TENM4: variants seen among roughly 807,000 people sequenced by gnomAD.
The protein encoded by TENM4 is teneurin transmembrane protein 4, also known as teneurin-4.
TENM4 carries 82 observed loss-of-function variants against 243.3 expected under a neutral mutation model. The observed-to-expected ratio is 0.34, with a 90% CI of 0.28 to 0.40. The LOEUF (loss-of-function observed/expected upper bound fraction) is 0.40, where lower values mean the gene tolerates loss of function less well. Among genes scored for constraint, TENM4 ranks in the 10% least tolerant of loss-of-function variants. TENM4 has a pLI of 1.00. For synonymous variants in TENM4, 1,412 were observed against 1,456.3 expected (o/e 0.97, Z 0.69); for missense variants, 3,138 against 3,673.3 (o/e 0.85, Z 3.77).
At chr11:78,805,594 T>G (rs1267339370) in intron 14 of TENM4, 102 bp from the exon 15 acceptor site, 3 of 1,388,786 alleles carry the variant, frequency 2.2e-6, no homozygotes, top group Non-Finnish European at 9.8e-7. Flanking sequence ...GCTTCATACA[T>G]TCTGGCAGAA....
intron 1 of TENM4, among the ~76,000 whole-genome samples, chr11:79,312,576 G>A (rs1262301394): frequency 6.6e-6 from 1 of 152,120 alleles, no homozygotes; most frequent in Non-Finnish European, 1.5e-5. Context: ...CAGAGCTTCT[G>A]CTTGAATCCA....
Position 78,712,565 on chromosome 11 carries a change from G to A in TENM4, c.3971C>T (p.Thr1324Ile). The change falls in exon 26 of 34, where the codon ACA becomes ATA. Residue 1324 changes from threonine to isoleucine, a missense_variant. Physicochemically the swap from Thr to Ile is moderately conservative, Grantham distance 89. Around this residue, in one of 2 missense-constraint regions of TENM4, gnomAD observed 2,467 missense variants for 3,059.1 expected, o/e 0.81. Transcript: ENST00000278550. Reference sequence around the variant, plus strand: ...ATCAAAGGGGAGGCACTGGTCACCTGTCCCCGCAACCACCTCAGAGTTCTT... The same window carrying A: ...ATCAAAGGGGAGGCACTGGTCACCTATCCCCGCAACCACCTCAGAGTTCTT... Reference protein sequence around the residue: ...LVKNSEVVAGTGDQCLPFDDT... With the variant: ...LVKNSEVVAGIGDQCLPFDDT... 1 of 1,613,966 alleles carries A rather than the reference G, an allele frequency of 6.2e-7. No homozygotes were observed. The highest frequency in any genetic ancestry group is 8.5e-7 in the Non-Finnish European group (1 of 1,179,892).
intron 3 of TENM4, among the ~76,000 whole-genome samples, chr11:79,213,994 A>AT (rs201804485): frequency 0.022 from 2,802 of 129,354 alleles, 33 homozygotes; most frequent in Middle Eastern, 0.044. Context: ...GCAAAAAATA[A>AT]ATTTTTTTTT....
chr11:79,343,941 G>C (rs977638984), intron 1 of TENM4, among the ~76,000 whole-genome samples: 4 of 152,200 alleles, frequency 2.6e-5, no homozygotes, highest in African/African-American at 9.6e-5. Flanking sequence ...AAAGAACATA[G>C]ATGGGGTCTT....
At chr11:79,289,607 C>A (rs1287646955) in intron 2 of TENM4, among the ~76,000 whole-genome samples, 1 of 152,232 alleles carries the variant, frequency 6.6e-6, no homozygotes, top group Non-Finnish European at 1.5e-5. Flanking sequence ...CTCAACTCCT[C>A]CCTTTCTTCC....
At chr11:79,221,687 C>T (rs987664518) in intron 2 of TENM4, among the ~76,000 whole-genome samples, 14 of 152,000 alleles carry the variant, frequency 9.2e-5, no homozygotes, top group Middle Eastern at 3.2e-3. Flanking sequence ...AGCCACACAG[C>T]GTAATGGAAT....
chr11:78,954,980 C>T (rs931222403), intron 6 of TENM4, among the ~76,000 whole-genome samples: 1 of 152,238 alleles, frequency 6.6e-6, no homozygotes, highest in Non-Finnish European at 1.5e-5. Flanking sequence ...CTCCTGCTTC[C>T]AGGCCTGTGC....
In TENM4 at chr11:79,233,145, A is replaced by G. The variant is rs1327646825; in HGVS notation, c.-264-17236T>C. Among the ~76,000 whole-genome samples, 3 of 152,202 alleles carry G rather than the reference A, an allele frequency of 2.0e-5. No individual in the cohort carries two copies. The East Asian group carries it at 5.8e-4, about 29-fold the overall frequency. The stretch of plus-strand genomic sequence containing the variant: ...AGGCTGCCAGACTGAGTCAGACGCC[A>G]TGCCTTGGGTTTCCCTTCCCAAACA... On this transcript the variant is annotated intron_variant, in intron 2 of 33. Transcript: ENST00000278550.
intron 1 of TENM4, among the ~76,000 whole-genome samples, chr11:79,326,189 G>A (rs139346642): frequency 1.1e-3 from 171 of 152,272 alleles, no homozygotes; most frequent in African/African-American, 4.0e-3. Flanking sequence ...TGGGCCCCCC[G>A]CGGCCTGCAG....
At position 78,663,106 on chromosome 11, in the gene TENM4, G is replaced by A. The variant is rs891771338; in HGVS notation, c.7409-1515C>T. 2.0e-5 allele frequency among the ~76,000 whole-genome samples: 3 copies of A among 152,194 alleles called. No individual in the cohort carries two copies. The South Asian group carries it at 6.2e-4, about 31-fold the overall frequency. On this transcript the variant is annotated intron_variant, in intron 32 of 33. Transcript: ENST00000278550. ...TTCAGATGGCAGGGGGAGGTGAACT[G>A]GGGCCAGAGGGAGACAGACAGACAG...
intron 2 of TENM4, among the ~76,000 whole-genome samples, chr11:79,239,086 A>C (rs1864538652): frequency 6.6e-6 from 1 of 152,210 alleles, no homozygotes; most frequent in Non-Finnish European, 1.5e-5. Flanking sequence ...CTCTGTCTGC[A>C]GAGACAGCTC....
intron 4 of TENM4, among the ~76,000 whole-genome samples, chr11:79,117,079 A>C (rs1015967959): frequency 5.3e-5 from 8 of 152,148 alleles, no homozygotes; most frequent in African/African-American, 1.9e-4. Context: ...GTAGCTGTTC[A>C]ATTCACTGTG....
At chr11:78,814,168 C>T in intron 13 of TENM4, 126 bp downstream of exon 13, 1 of 847,276 alleles carries the variant, frequency 1.2e-6, no homozygotes, top group Non-Finnish European at 1.8e-6. Flanking sequence ...GGAGAATGGC[C>T]CTTGGAAACC....
intron 6 of TENM4, among the ~76,000 whole-genome samples, chr11:78,992,353 A>G (rs1858066486): frequency 6.6e-6 from 1 of 152,240 alleles, no homozygotes; most frequent in Non-Finnish European, 1.5e-5. Context: ...GTCCTCACTG[A>G]GTAGTCTAGT....
At chr11:79,318,760 C>T (rs1359163312) in intron 1 of TENM4, among the ~76,000 whole-genome samples, 1 of 152,148 alleles carries the variant, frequency 6.6e-6, no homozygotes, top group Non-Finnish European at 1.5e-5. Context: ...ATTTATGCAA[C>T]TTAATTTTTA....
intron 6 of TENM4, among the ~76,000 whole-genome samples, chr11:78,935,073 G>A (rs924186193): frequency 2.2e-4 from 32 of 144,464 alleles, no homozygotes; most frequent in Non-Finnish European, 4.5e-4. Flanking sequence ...CTGCAGTGGC[G>A]CAATCTCGGC....
rs1415672074 is a variant in TENM4 at position 79,346,878 on chromosome 11, A to T, written c.-320-49335T>A. Reference sequence around the variant, plus strand: ...TTTGCAACCATACAGTATTAGTTGAACAAATGTAAAAGATCCCTGTGATCT... The same window carrying T: ...TTTGCAACCATACAGTATTAGTTGATCAAATGTAAAAGATCCCTGTGATCT... On this transcript the variant is annotated intron_variant, in intron 1 of 33. Transcript: ENST00000278550. Among the ~76,000 whole-genome samples the T allele has an allele frequency of 2.6e-5, 4 of 152,322 alleles. No homozygotes were observed. The East Asian group carries it at 7.7e-4, about 29-fold the overall frequency.
At chr11:79,098,214 C>T (rs1370981177) in intron 4 of TENM4, among the ~76,000 whole-genome samples, 1 of 113,422 alleles carries the variant, frequency 8.8e-6, no homozygotes, top group African/African-American at 3.8e-5. Flanking sequence ...TCTCTTGTGT[C>T]TCCCCCACCC....
chr11:78,886,741 C>G (rs1236871473), intron 9 of TENM4, among the ~76,000 whole-genome samples: 3 of 152,248 alleles, frequency 2.0e-5, no homozygotes, highest in African/African-American at 4.8e-5. Flanking sequence ...GCTTGCCTCT[C>G]TGGCTTGATC....
Sources: allele counts gnomAD v4.1 joint callset (sites outside exome capture counted in the v4.1 genomes callset), GRCh38; gene constraint gnomAD v4.1.1; regional missense constraint gnomAD v4.1.1; transcripts MANE v1.5; gene names NCBI Gene and HGNC (gene_info 2026-07-23, HGNC 2026-07-21).